RIMS2: variants seen among roughly 807,000 people sequenced by gnomAD.
The protein encoded by RIMS2 is regulating synaptic membrane exocytosis 2, also known as regulating synaptic membrane exocytosis protein 2.
A neutral mutation model predicts 174.4 loss-of-function variants in RIMS2; 59 were observed. The observed-to-expected ratio is 0.34, with a 90% CI of 0.27 to 0.42. The LOEUF (loss-of-function observed/expected upper bound fraction) is 0.42, where lower values mean the gene tolerates loss of function less well. RIMS2 is among the 10% of genes least tolerant of loss of function. The pLI is 1.00. For synonymous variants in RIMS2, 606 were observed against 572.5 expected, an observed-to-expected ratio of 1.06 and a Z score of -0.84; for missense variants, 1,620 against 1,666.3, an observed-to-expected ratio of 0.97 and a Z score of 0.48.
chr8:103,938,422 A>G (rs2081785548), intron 13 of RIMS2, among the ~76,000 whole-genome samples: 1 of 152,036 alleles, frequency 6.6e-6, no homozygotes, highest in African/African-American at 2.4e-5. Flanking sequence ...TTTATTCACT[A>G]TGAGGAGAAC....
chr8:103,713,265 T>C (rs1017228754), intron 2 of RIMS2, among the ~76,000 whole-genome samples: 1 of 152,176 alleles, frequency 6.6e-6, no homozygotes. Context: ...GTGATCTGCC[T>C]GCCTCGGCCT....
At chr8:103,764,522 A>AT (rs1317007540) in intron 2 of RIMS2, among the ~76,000 whole-genome samples, 15 of 152,218 alleles carry the variant, frequency 9.9e-5, no homozygotes, top group South Asian at 4.1e-4. Flanking sequence ...CTCAAATTTC[A>AT]TTTTTTGAGA....
intron 1 of RIMS2, among the ~76,000 whole-genome samples, chr8:103,615,478 C>G (rs2095483692): frequency 6.6e-6 from 1 of 151,838 alleles, no homozygotes; most frequent in Admixed American, 6.6e-5. Context: ...ATTAGAGAAG[C>G]AAGAACAAAT....
intron 3 of RIMS2, among the ~76,000 whole-genome samples, chr8:103,868,989 G>GA (rs1004867412): frequency 6.6e-5 from 10 of 151,998 alleles, no homozygotes; most frequent in African/African-American, 1.9e-4. Flanking sequence ...CTTATTTTAT[G>GA]AAAAAATTTG....
intron 19 of RIMS2, among the ~76,000 whole-genome samples, chr8:104,064,141 A>G (rs2097059277): frequency 6.6e-6 from 1 of 152,130 alleles, no homozygotes. Flanking sequence ...TATAACTTTA[A>G]CTTTCTGGGC....
intron 3 of RIMS2, among the ~76,000 whole-genome samples, chr8:103,798,141 G>A (rs1169856110): frequency 6.6e-6 from 1 of 152,060 alleles, no homozygotes; most frequent in Non-Finnish European, 1.5e-5. Flanking sequence ...GAAATACAAA[G>A]ACAGTAGAAG....
chr8:104,024,187 T>A (rs966737171), intron 19 of RIMS2, among the ~76,000 whole-genome samples: 1 of 152,180 alleles, frequency 6.6e-6, no homozygotes, highest in Non-Finnish European at 1.5e-5. Context: ...AACTTCTTGT[T>A]CACTTGGCTT....
At chr8:103,707,002 C>T (rs576887705) in intron 2 of RIMS2, among the ~76,000 whole-genome samples, 12 of 152,170 alleles carry the variant, frequency 7.9e-5, no homozygotes, top group Admixed American at 3.3e-4. Flanking sequence ...TTATCCTATG[C>T]GAATTTTCAA....
At chr8:103,614,455 T>A (rs1381246589) in intron 1 of RIMS2, among the ~76,000 whole-genome samples, 1 of 152,254 alleles carries the variant, frequency 6.6e-6, no homozygotes, top group Admixed American at 6.5e-5. Context: ...CTTTGATCCT[T>A]CTCATGCCCC....
In RIMS2 at chr8:103,968,045, G is replaced by C. The variant is rs528339669; in HGVS notation, c.2770+6912G>C. 4.6e-5 allele frequency among the ~76,000 whole-genome samples: 7 copies of C among 152,006 alleles called. No homozygotes were observed. In the East Asian group the frequency reaches 9.7e-4, roughly 21 times the overall value. The stretch of plus-strand genomic sequence containing the variant: ...CTGGCTAATTTTTGTATTTTTAGTA[G>C]AGACAAGGTTTCACCATGTTGGCCA... On this transcript the variant is annotated intron_variant, in intron 15 of 23. Coordinates refer to ENST00000504942, the Ensembl canonical transcript of RIMS2.
chr8:104,104,096 A>C (rs1250763687), intron 19 of RIMS2, among the ~76,000 whole-genome samples: 1 of 152,240 alleles, frequency 6.6e-6, no homozygotes, highest in African/African-American at 2.4e-5. Flanking sequence ...AAAATAGATA[A>C]GTTATTAGAT....
chr8:103,561,428 A>G (rs1280735353), intron 1 of RIMS2, among the ~76,000 whole-genome samples: 1 of 152,154 alleles, frequency 6.6e-6, no homozygotes, highest in African/African-American at 2.4e-5. Flanking sequence ...CCCAATCACT[A>G]TGTCTTGATA....
At chr8:103,933,829 T>C (rs2080584190) in intron 12 of RIMS2, among the ~76,000 whole-genome samples, 1 of 152,198 alleles carries the variant, frequency 6.6e-6, no homozygotes, top group East Asian at 1.9e-4. Context: ...AAGGATTGTT[T>C]GTGCTTTTGT....
chr8:103,852,865 T>A (rs1443927078), intron 3 of RIMS2, among the ~76,000 whole-genome samples: 1 of 152,076 alleles, frequency 6.6e-6, no homozygotes, highest in Non-Finnish European at 1.5e-5. Context: ...GCCACGAACA[T>A]GTGAGTGCAT....
chr8:103,973,058 A>G (rs564771307), intron 15 of RIMS2, among the ~76,000 whole-genome samples: 20 of 152,320 alleles, frequency 1.3e-4, no homozygotes, highest in Admixed American at 7.9e-4. Flanking sequence ...TACTGTTCTA[A>G]GTTTTGTAAG....
chr8:103,915,452 T>G (rs1225827600), intron 6 of RIMS2, 43 bp from the exon 10 acceptor site: 1 of 1,222,436 alleles, frequency 8.2e-7, no homozygotes, highest in South Asian at 1.3e-5. Flanking sequence ...ACCATGCTCA[T>G]TTTAACAATA....
At chr8:103,744,420 A>G (rs1386884947) in intron 2 of RIMS2, among the ~76,000 whole-genome samples, 1 of 152,200 alleles carries the variant, frequency 6.6e-6, no homozygotes, top group Non-Finnish European at 1.5e-5. Flanking sequence ...TGCTTTGCTT[A>G]TCTTGTGTCA....
chr8:104,159,935 T>A (rs2098750788), intron 19 of RIMS2, among the ~76,000 whole-genome samples: 1 of 152,058 alleles, frequency 6.6e-6, no homozygotes, highest in South Asian at 2.1e-4. Context: ...GGTCAGGAGT[T>A]CAAGAGCAGT....
chr8:103,796,449 G>T (rs1008734589), intron 3 of RIMS2, among the ~76,000 whole-genome samples: 3 of 152,058 alleles, frequency 2.0e-5, no homozygotes, highest in Non-Finnish European at 4.4e-5. Flanking sequence ...TTTTCCAGTG[G>T]AACATAGGTT....
Sources: allele counts gnomAD v4.1 joint callset (sites outside exome capture counted in the v4.1 genomes callset), GRCh38; gene constraint gnomAD v4.1.1; transcripts MANE v1.5; gene names NCBI Gene and HGNC (gene_info 2026-07-23, HGNC 2026-07-21).